TRIM54: variants seen among roughly 807,000 people sequenced by gnomAD.
TRIM54 encodes tripartite motif-containing protein 54.
Under a neutral mutation model 42.0 loss-of-function variants are expected in TRIM54, and 40 were observed. That is an observed-to-expected ratio of 0.95 (90% CI 0.74 to 1.24). The LOEUF is 1.24. Ranked by LOEUF, TRIM54 falls within the 50% of genes most tolerant of loss-of-function variation. The pLI, the probability that TRIM54 is intolerant of heterozygous loss-of-function variation, is 0.00. For synonymous variants in TRIM54, 199 were observed against 194.9 expected (o/e 1.02, Z -0.17); for missense variants, 485 against 480.3 (o/e 1.01, Z -0.09).
intron 3 of TRIM54, among the ~76,000 whole-genome samples, chr2:27,303,867 T>A (rs976498861): frequency 1.3e-5 from 2 of 152,058 alleles, no homozygotes; most frequent in African/African-American, 4.8e-5. Context: ...ATCAAATGCT[T>A]TTTAAAAAAA....
intron 1 of TRIM54, 122 bp downstream of exon 1, chr2:27,283,021 G>T: frequency 1.7e-6 from 2 of 1,147,720 alleles, no homozygotes; most frequent in Non-Finnish European, 2.4e-6. Flanking sequence ...GGTGGTGGCT[G>T]TTGTGGCTGG....
intron 1 of TRIM54, among the ~76,000 whole-genome samples, chr2:27,291,177 A>G (rs1477507176): frequency 2.0e-5 from 3 of 152,160 alleles, no homozygotes; most frequent in Non-Finnish European, 4.4e-5. Flanking sequence ...AACATGGTGA[A>G]ACCCTGTCTC....
In TRIM54 at chr2:27,282,815, C is replaced by T; in HGVS notation, c.84C>T (p.Ile28=). ...TGGAGAAGCAGCTCATCTGCCCCATCTGCCTGGAGATGTTCTCCAAACCAG... is the reference window on the plus strand; with the variant it reads ...TGGAGAAGCAGCTCATCTGCCCCATTTGCCTGGAGATGTTCTCCAAACCAG... The part of the protein sequence containing the change: ...DNLEKQLICP[I]CLEMFSKPVV... Residue 28 remains isoleucine (I), a synonymous_variant, in exon 1 of 9, where the codon ATC becomes ATT. Coordinates refer to ENST00000380075, the MANE Select transcript of TRIM54 (RefSeq NM_187841.3). 1 of 1,614,160 alleles carries T rather than the reference C, an allele frequency of 6.2e-7. No individual in the cohort carries two copies. Among genetic ancestry groups the T allele is most frequent in the Non-Finnish European group, 8.5e-7 (1 of 1,180,002 alleles).
chr2:27,283,509 A>T (rs1678443981), intron 1 of TRIM54, among the ~76,000 whole-genome samples: 1 of 151,936 alleles, frequency 6.6e-6, no homozygotes, highest in African/African-American at 2.4e-5. Flanking sequence ...AAAGCTACTG[A>T]GGTCACTTGA....
intron 1 of TRIM54, among the ~76,000 whole-genome samples, chr2:27,296,386 G>A (rs13404446): frequency 0.42 from 63,326 of 152,116 alleles, 17,347 homozygotes; most frequent in African/African-American, 0.77. Context: ...CCAGCCAGTT[G>A]GGATTAGGTT....
intron 3 of TRIM54, among the ~76,000 whole-genome samples, chr2:27,303,315 G>A (rs1469473541): frequency 6.6e-6 from 1 of 152,170 alleles, no homozygotes; most frequent in Non-Finnish European, 1.5e-5. Context: ...CAACACTTTG[G>A]GAGGCCGAGG....
In TRIM54 at chr2:27,307,186, A is replaced by AGAGGGCC. The variant is rs1679250022; in HGVS notation, c.*308_*314dup. 2 of 372,526 alleles carry AGAGGGCC rather than the reference A, an allele frequency of 5.4e-6. No individual in the cohort carries two copies. The highest frequency in any genetic ancestry group is 9.9e-6 in the Non-Finnish European group (2 of 202,908). The allele number at this position is 372,526 out of a possible 1,614,324, so 23.1% of individuals were successfully genotyped here. ...AACTGGTGAGCCCAGCGCCCTGGGA[A>AGAGGGCC]GAGGGCCGAGGGCGGGGCGGTGGTG... is the stretch of plus-strand genomic sequence containing the variant. On this transcript the variant is annotated 3_prime_UTR_variant, in exon 9 of 9. Transcript: ENST00000380075. This position sits in a 1 kb window ranked among gnomAD's most constrained non-coding sequence, Gnocchi z 6.9.
rs770394298 is a variant in TRIM54, at chr2:27,299,409, G to A, written c.506G>A (p.Arg169His). The A allele has an allele frequency of 1.1e-5, 18 of 1,613,586 alleles. No homozygotes were observed. Among genetic ancestry groups the A allele is most frequent in the South Asian group, 4.4e-5 (4 of 91,024 alleles). Residue 169 changes from arginine (R) to histidine (H), a missense_variant, in exon 3 of 9, where the codon CGC (arginine) becomes CAC (histidine). Coordinates refer to ENST00000380075, the MANE Select transcript of TRIM54 (RefSeq NM_187841.3). ...EVAPLPTIYK[R>H]QKSELSDGIA... ...GCCCCACTGCCCACCATTTACAAAC[G>A]CCAGAAGGTATCAAACAGGGGAGGG...
rs1057461138 is a variant in TRIM54 at position 27,306,803 on chromosome 2, G to A, written c.*2-84G>A. The A allele has an allele frequency of 2.1e-5, 11 of 536,548 alleles. No homozygotes were observed. The highest frequency in any genetic ancestry group is 3.3e-5 in the Non-Finnish European group (10 of 304,708). The allele number at this position is 536,548 out of a possible 1,614,324, so 33.2% of individuals were successfully genotyped here. Reference sequence around the variant, plus strand: ...CAGGCTGAGTAGAGGAGAAACCCACGTGGCGGGGGACGGAGTGAGCGGGGC... The same window carrying A: ...CAGGCTGAGTAGAGGAGAAACCCACATGGCGGGGGACGGAGTGAGCGGGGC... On this transcript the variant is annotated intron_variant, in intron 8 of 8. Transcript: ENST00000380075. This position sits in a 1 kb window ranked among gnomAD's most constrained non-coding sequence, Gnocchi z 6.1.
chr2:27,305,063 GGGCT>G lies in TRIM54; in HGVS notation c.609+12_609+15del. ...TGTGCCAGACTATCGAGGTGAGCCTGGGCTGGAGGGAGGGAGGAACAGCAACTGG... is the reference window on the plus strand; with the variant it reads ...TGTGCCAGACTATCGAGGTGAGCCTGGGAGGGAGGGAGGAACAGCAACTGG... On this transcript the variant is annotated intron_variant, in intron 4 of 8. Coordinates refer to ENST00000380075, the MANE Select transcript of TRIM54 (RefSeq NM_187841.3). 3.1e-6 allele frequency: 5 copies of G among 1,612,228 alleles called. No individual in the cohort carries two copies. Among genetic ancestry groups the G allele is most frequent in the Non-Finnish European group, 3.4e-6 (4 of 1,178,812 alleles).
chr2:27,306,161 G>T lies in TRIM54; in HGVS notation c.867-52G>T, dbSNP rs1308087193. The T allele has an allele frequency of 6.2e-7, 1 of 1,613,856 alleles. No homozygotes were observed. ...GCTGCACTGCTCCACTGGCTGGGGTGGGGCTTGAGAGTGCTGGGGCATTGC... is the reference window on the plus strand; with the variant it reads ...GCTGCACTGCTCCACTGGCTGGGGTTGGGCTTGAGAGTGCTGGGGCATTGC... On this transcript the variant is annotated intron_variant, in intron 6 of 8. Coordinates refer to ENST00000380075, the MANE Select transcript of TRIM54 (RefSeq NM_187841.3). The surrounding 1 kb of genome is among the most constrained non-coding windows in gnomAD (Gnocchi z 6.1).
chr2:27,300,847 T>C (rs1054222911), intron 3 of TRIM54, among the ~76,000 whole-genome samples: 8 of 152,116 alleles, frequency 5.3e-5, no homozygotes, highest in South Asian at 2.1e-4. Context: ...GCCTGGGTGA[T>C]AGAGTGAGAC....
rs1679256729 is a variant in TRIM54 at position 27,307,375 on chromosome 2, C to T, written c.*490C>T. ...ACGGGTTCCCACGCTGCTGTGACTGCCCTGCCTCTACGACAAAAGCCAACG... is the reference window on the plus strand; with the variant it reads ...ACGGGTTCCCACGCTGCTGTGACTGTCCTGCCTCTACGACAAAAGCCAACG... On this transcript the variant is annotated 3_prime_UTR_variant, in exon 9 of 9. Transcript: ENST00000380075. The surrounding 1 kb of genome is among the most constrained non-coding windows in gnomAD (Gnocchi z 6.9). 1 of 1,373,452 alleles carries T rather than the reference C, an allele frequency of 7.3e-7. No individual in the cohort carries two copies. The highest frequency in any genetic ancestry group is 9.7e-7 in the Non-Finnish European group (1 of 1,032,086). The allele number at this position is 1,373,452 out of a possible 1,614,324, so 85.1% of individuals were successfully genotyped here. A position where few individuals can be genotyped will look rare whatever the true frequency, so the allele number is the denominator to read the frequency against.
At chr2:27,289,952 A>G (rs1298929019) in intron 1 of TRIM54, among the ~76,000 whole-genome samples, 1 of 142,920 alleles carries the variant, frequency 7.0e-6, no homozygotes. Context: ...GCTCACTGCA[A>G]CCTCCACCTC....
chr2:27,282,864 A>G lies in TRIM54; in HGVS notation c.133A>G (p.Asn45Asp). ...KPVVILPCQH[N>D]LCRKCANDVF... is the part of the protein sequence containing the mutation. ...AGTGGTGATCCTGCCCTGCCAACAC[A>G]ACCTGTGCCGCAAATGTGCCAACGA... Residue 45 changes from asparagine to aspartate, a missense_variant, in exon 1 of 9, where the codon AAC becomes GAC. Asn to Asp is a conservative substitution (Grantham distance 23). Coordinates refer to ENST00000380075, the MANE Select transcript of TRIM54 (RefSeq NM_187841.3). 6.2e-7 allele frequency: 1 copy of G among 1,613,766 alleles called. No homozygotes were observed. Among genetic ancestry groups the G allele is most frequent in the Non-Finnish European group, 8.5e-7 (1 of 1,179,820 alleles).
At chr2:27,294,041 A>G (rs1238148141) in intron 1 of TRIM54, among the ~76,000 whole-genome samples, 2 of 151,950 alleles carry the variant, frequency 1.3e-5, no homozygotes, top group African/African-American at 4.8e-5. Context: ...AACAACAATA[A>G]TAACAACAAC....
chr2:27,298,393 C>T (rs1678926184), intron 1 of TRIM54, among the ~76,000 whole-genome samples, 174 bp from the exon 2 acceptor site: 1 of 152,140 alleles, frequency 6.6e-6, no homozygotes, highest in Non-Finnish European at 1.5e-5. Context: ...AGCAGGGTCT[C>T]CATGGCCGTC....
At chr2:27,284,382 C>G (rs939230654) in intron 1 of TRIM54, among the ~76,000 whole-genome samples, 1 of 152,286 alleles carries the variant, frequency 6.6e-6, no homozygotes, top group South Asian at 2.1e-4. Context: ...CCCTGTGACC[C>G]ACACCTTGTG....
chr2:27,304,894 C>T, intron 3 of TRIM54, 65 bp from the exon 4 acceptor site: 1 of 1,480,052 alleles, frequency 6.8e-7, no homozygotes, highest in Non-Finnish European at 9.3e-7. Flanking sequence ...GCAACCCTGG[C>T]TGGGGTGAGG....
Sources: gnomAD v4.1 joint callset for allele counts (sites outside exome capture counted in the v4.1 genomes callset) on GRCh38, gnomAD v4.1.1 for gene constraint, Gnocchi (gnomAD v3.1) non-coding constraint, MANE v1.5 for transcripts, NCBI Gene and HGNC (gene_info 2026-07-23, HGNC 2026-07-21) for gene names.